The following LNPEP variants were observed in gnomAD, a reference collection of about 807,000 sequenced individuals.
LNPEP encodes the protein leucyl-cystinyl aminopeptidase.
LNPEP carries 64 observed loss-of-function variants against 120.6 expected under a neutral mutation model. The ratio of observed to expected loss-of-function variants is 0.53; its 90% CI spans 0.43 to 0.65. The LOEUF is 0.65. Among genes scored for constraint, LNPEP ranks in the 30% least tolerant of loss-of-function variants. LNPEP has a pLI of 0.00. For synonymous variants in LNPEP, 435 were observed against 425.4 expected, an observed-to-expected ratio of 1.02 and a Z score of -0.28; for missense variants, 1,057 against 1,200.0, an observed-to-expected ratio of 0.88 and a Z score of 1.76.
chr5:96,942,776 TGAC>T (rs979181573), intron 1 of LNPEP: 1 of 151,292 alleles, frequency 6.6e-6, no homozygotes, highest in African/African-American at 2.4e-5. Flanking sequence ...CTAGTGTAAA[TGAC>T]GACTTAATTG....
At chr5:97,026,328 G>A (rs967149065) in intron 15 of LNPEP, among the ~76,000 whole-genome samples, 3 of 151,672 alleles carry the variant, frequency 2.0e-5, no homozygotes, top group African/African-American at 4.8e-5. Context: ...CCCACCTCCC[G>A]AATTGTAATA....
At chr5:96,972,308 T>C (rs1295112194) in intron 1 of LNPEP, among the ~76,000 whole-genome samples, 1 of 152,126 alleles carries the variant, frequency 6.6e-6, no homozygotes, top group African/African-American at 2.4e-5. Context: ...TAGGTCTTAT[T>C]CTAGGGTGTC....
Position 96,936,102 on chromosome 5 carries a change from C to G in LNPEP, c.-54C>G. The G allele has an allele frequency of 6.6e-7, 1 of 1,514,780 alleles. No homozygotes were observed. The highest frequency in any genetic ancestry group is 8.8e-7 in the Non-Finnish European group (1 of 1,131,320). The allele number at this position is 1,514,780 out of a possible 1,614,324, so 93.8% of individuals were successfully genotyped here. Reference sequence around the variant, plus strand: ...CTCAGTCAGCTGGGCCGCCTCAGCTCTCGGAGTAGGAAGCTCGGGCGCTCC... The same window carrying G: ...CTCAGTCAGCTGGGCCGCCTCAGCTGTCGGAGTAGGAAGCTCGGGCGCTCC... On this transcript the variant is annotated 5_prime_UTR_variant, in exon 1 of 18. Transcript: ENST00000231368.
intron 1 of LNPEP, among the ~76,000 whole-genome samples, chr5:96,965,705 C>T (rs146176910): frequency 7.7e-4 from 117 of 152,166 alleles, no homozygotes; most frequent in Non-Finnish European, 1.3e-3. Context: ...ATTCATTGAG[C>T]ACTTAGCATC....
chr5:96,967,752 A>G lies in LNPEP; in HGVS notation c.20-11386A>G, dbSNP rs549961140. 2.9e-3 allele frequency among the ~76,000 whole-genome samples: 448 copies of G among 152,226 alleles called. 2 individuals carry two copies. Among genetic ancestry groups the G allele is most frequent in the African/African-American group, 0.01 (433 of 41,548 alleles). On this transcript the variant is annotated intron_variant, in intron 1 of 17. Transcript: ENST00000231368. ...GCCCTTGAAGAGTTTATGCATGGAC[A>G]TGGAGGTAATTTTTGTTTATACTTC...
At chr5:97,000,855 G>A (rs1039104329) in intron 8 of LNPEP, among the ~76,000 whole-genome samples, 2 of 152,050 alleles carry the variant, frequency 1.3e-5, no homozygotes, top group African/African-American at 4.8e-5. Flanking sequence ...CTGGTCTTGG[G>A]GACCCCCACA....
chr5:97,010,492 GT>G (rs1790899915), intron 11 of LNPEP: 3 of 985,386 alleles, frequency 3.0e-6, no homozygotes, highest in Non-Finnish European at 3.6e-6. Flanking sequence ...TTGAACAGGA[GT>G]GATAAAGTTC....
At chr5:96,959,830 T>G (rs941189069) in intron 1 of LNPEP, among the ~76,000 whole-genome samples, 4 of 152,140 alleles carry the variant, frequency 2.6e-5, no homozygotes, top group African/African-American at 9.7e-5. Context: ...CATTTCAAAT[T>G]ATAAGTCTTA....
intron 2 of LNPEP, among the ~76,000 whole-genome samples, chr5:96,983,504 G>GCA (rs1790173277): frequency 6.6e-6 from 1 of 152,030 alleles, no homozygotes; most frequent in African/African-American, 2.4e-5. Context: ...GGAGTGCAGT[G>GCA]GTGCAATCTT....
chr5:96,965,582 G>A (rs1789707179), intron 1 of LNPEP, among the ~76,000 whole-genome samples: 1 of 152,002 alleles, frequency 6.6e-6, no homozygotes. Flanking sequence ...ATAATTACAA[G>A]TTTAACTAAC....
intron 4 of LNPEP, among the ~76,000 whole-genome samples, chr5:96,992,479 T>G (rs1391037010): frequency 6.6e-6 from 1 of 152,190 alleles, no homozygotes; most frequent in Non-Finnish European, 1.5e-5. Flanking sequence ...TAGGATAATT[T>G]CAACAAATAT....
At chr5:96,999,278 G>T (rs1357089522) in intron 8 of LNPEP, among the ~76,000 whole-genome samples, 1 of 152,176 alleles carries the variant, frequency 6.6e-6, no homozygotes, top group African/African-American at 2.4e-5. Flanking sequence ...GCATGAAATG[G>T]TAAAAGTTTG....
chr5:96,956,138 T>G (rs1301991882), intron 1 of LNPEP, among the ~76,000 whole-genome samples: 1 of 152,190 alleles, frequency 6.6e-6, no homozygotes, highest in Non-Finnish European at 1.5e-5. Flanking sequence ...CATTGGATTA[T>G]TTGTCATCTT....
At chr5:96,949,888 GGTCA>G (rs1248974557) in intron 1 of LNPEP, among the ~76,000 whole-genome samples, 9 of 152,094 alleles carry the variant, frequency 5.9e-5, no homozygotes, top group Admixed American at 1.3e-4. Flanking sequence ...TTAAATTAGA[GGTCA>G]GTCAGTCTGT....
intron 13 of LNPEP, among the ~76,000 whole-genome samples, chr5:97,021,789 C>A (rs1163259872): frequency 6.6e-6 from 1 of 151,290 alleles, no homozygotes; most frequent in Non-Finnish European, 1.5e-5. Context: ...ATGGTTTCAT[C>A]CCAGCCGTAT....
At chr5:97,018,821 T>A (rs906214593) in intron 13 of LNPEP, among the ~76,000 whole-genome samples, 1 of 152,194 alleles carries the variant, frequency 6.6e-6, no homozygotes. Flanking sequence ...AGGCTGCACA[T>A]GACATATGCT....
Position 97,030,951 on chromosome 5 carries a change from T to G in LNPEP, c.*2418T>G, listed in dbSNP as rs1218829871. ...ACTACGTCAGGAATGTAAGGTTAAA[T>G]GAGAGGTAGAACTTGTAGTGTAATA... On this transcript the variant is annotated 3_prime_UTR_variant, in exon 18 of 18. Coordinates refer to ENST00000231368, the MANE Select transcript of LNPEP (RefSeq NM_005575.3). The G allele has an allele frequency of 6.6e-6, 1 of 152,050 alleles. No individual in the cohort carries two copies. Among genetic ancestry groups the G allele is most frequent in the Non-Finnish European group, 1.5e-5 (1 of 68,010 alleles). The allele number at this position is 152,050 out of a possible 1,614,324, so 9.4% of individuals were successfully genotyped here. A position where few individuals can be genotyped will look rare whatever the true frequency, so the allele number is the denominator to read the frequency against.
In LNPEP at chr5:96,976,034, C is replaced by G. The variant is rs201057522; in HGVS notation, c.20-3104C>G. 5.3e-5 allele frequency among the ~76,000 whole-genome samples: 8 copies of G among 152,224 alleles called. No homozygotes were observed. In the East Asian group the frequency reaches 1.4e-3, roughly 26 times the overall value. The stretch of plus-strand genomic sequence containing the variant: ...AGAAAATTCCCTGTTTCTTTAGGAT[C>G]CCTTCTTTCAGTAGGAATAAATCCC... On this transcript the variant is annotated intron_variant, in intron 1 of 17. Transcript: ENST00000231368.
chr5:96,989,374 A>G (rs1390266164), intron 4 of LNPEP, among the ~76,000 whole-genome samples: 8 of 22,516 alleles, frequency 3.6e-4, no homozygotes, highest in African/African-American at 1.3e-3. Context: ...ATAATTATAT[A>G]TTATATATTA....
Sources: allele counts gnomAD v4.1 joint callset (sites outside exome capture counted in the v4.1 genomes callset), GRCh38; gene constraint gnomAD v4.1.1; transcripts MANE v1.5; gene names NCBI Gene and HGNC (gene_info 2026-07-23, HGNC 2026-07-21).